Variants in TRDN observed in about 807,000 individuals in gnomAD.
The protein encoded by TRDN is triadin in skeletal muscle.
Under a neutral mutation model 149.7 loss-of-function variants are expected in TRDN, and 161 were observed. The observed-to-expected ratio is 1.08, with a 90% confidence interval of 0.95 to 1.23. The LOEUF (loss-of-function observed/expected upper bound fraction) is 1.23. Among genes scored for constraint, TRDN ranks in the 50% most tolerant of loss-of-function variants. TRDN has a pLI of 0.00. For missense variants in TRDN, 896 were observed against 823.5 expected (o/e 1.09, Z -1.08); for synonymous variants, 294 against 250.5 (o/e 1.17, Z -1.64).
intron 35 of TRDN, among the ~76,000 whole-genome samples, chr6:123,256,697 C>T (rs1306796590): frequency 6.6e-6 from 1 of 151,062 alleles, no homozygotes; most frequent in Non-Finnish European, 1.5e-5. Context: ...TGTTTAAGTT[C>T]CTATTAGATT....
At chr6:123,436,116 T>G (rs575325975) in intron 12 of TRDN, among the ~76,000 whole-genome samples, 1 of 152,234 alleles carries the variant, frequency 6.6e-6, no homozygotes, top group Non-Finnish European at 1.5e-5. Flanking sequence ...CAACTCAAAA[T>G]TTTCTTCTGC....
At chr6:123,298,570 G>A (rs1778291057) in intron 24 of TRDN, among the ~76,000 whole-genome samples, 1 of 151,992 alleles carries the variant, frequency 6.6e-6, no homozygotes. Flanking sequence ...AATTCACTAG[G>A]CAAGGGACTG....
chr6:123,304,452 C>T (rs1016467640), intron 24 of TRDN, among the ~76,000 whole-genome samples: 5 of 151,754 alleles, frequency 3.3e-5, no homozygotes, highest in Admixed American at 3.3e-4. Flanking sequence ...TGCAGTTTCA[C>T]CATGTTGGCC....
intron 1 of TRDN, among the ~76,000 whole-genome samples, chr6:123,571,508 TTG>T (rs1040793785): frequency 1.3e-5 from 2 of 152,228 alleles, no homozygotes; most frequent in Admixed American, 6.5e-5. Flanking sequence ...GTTTGTTTGT[TTG>T]TTTGTTTGTT....
intron 2 of TRDN, among the ~76,000 whole-genome samples, 172 bp downstream of exon 2, chr6:123,570,751 A>G (rs1782530521): frequency 6.6e-6 from 1 of 152,190 alleles, no homozygotes; most frequent in Admixed American, 6.5e-5. Flanking sequence ...AAGAAAGAGA[A>G]TAGGAGGAAA....
intron 2 of TRDN, among the ~76,000 whole-genome samples, chr6:123,568,278 C>T (rs1016776403): frequency 2.6e-5 from 4 of 152,222 alleles, no homozygotes; most frequent in Admixed American, 6.5e-5. Context: ...CTGGAGGCTG[C>T]TCTCACACAT....
chr6:123,478,639 G>T (rs968813698), intron 9 of TRDN, among the ~76,000 whole-genome samples: 5 of 151,990 alleles, frequency 3.3e-5, no homozygotes, highest in Non-Finnish European at 7.4e-5. Flanking sequence ...CAAAGTGGAT[G>T]GATTAAATTC....
chr6:123,260,409 T>G (rs771987367), intron 34 of TRDN, among the ~76,000 whole-genome samples: 12 of 152,002 alleles, frequency 7.9e-5, no homozygotes, highest in Non-Finnish European at 1.5e-4. Flanking sequence ...ACTTATAAGT[T>G]TGTATGCGGT....
chr6:123,493,159 G>A (rs1778296035), intron 9 of TRDN, among the ~76,000 whole-genome samples: 1 of 152,114 alleles, frequency 6.6e-6, no homozygotes, highest in African/African-American at 2.4e-5. Flanking sequence ...CATAGGACCA[G>A]TGTTGATAGC....
intron 13 of TRDN, among the ~76,000 whole-genome samples, chr6:123,392,069 A>G (rs1437325266): frequency 6.6e-6 from 1 of 151,874 alleles, no homozygotes; most frequent in Non-Finnish European, 1.5e-5. Context: ...AGAATACCTC[A>G]CTCTTGCCTT....
chr6:123,503,570 G>A, intron 8 of TRDN, 149 bp downstream of exon 8: 1 of 1,449,664 alleles, frequency 6.9e-7, no homozygotes, highest in Non-Finnish European at 9.0e-7. Context: ...CCAATTTACT[G>A]TATTTCTTTT....
At chr6:123,620,347 C>T (rs935700217) in intron 1 of TRDN, among the ~76,000 whole-genome samples, 1 of 152,104 alleles carries the variant, frequency 6.6e-6, no homozygotes, top group Non-Finnish European at 1.5e-5. Context: ...CAATAAGTGC[C>T]CAGGTGATGT....
At chr6:123,626,729 G>T (rs1212251250) in intron 1 of TRDN, among the ~76,000 whole-genome samples, 1 of 151,258 alleles carries the variant, frequency 6.6e-6, no homozygotes, top group African/African-American at 2.4e-5. Flanking sequence ...ATGTACCCTA[G>T]AACTTAAAGT....
At chr6:123,452,014 T>C (rs1015330087) in intron 10 of TRDN, among the ~76,000 whole-genome samples, 1 of 152,052 alleles carries the variant, frequency 6.6e-6, no homozygotes, top group African/African-American at 2.4e-5. Flanking sequence ...TCATCTCAAT[T>C]GATGCAGAAA....
intron 12 of TRDN, among the ~76,000 whole-genome samples, chr6:123,425,659 T>C (rs1333460607): frequency 6.6e-6 from 1 of 152,026 alleles, no homozygotes; most frequent in Non-Finnish European, 1.5e-5. Context: ...TGTGAAATGC[T>C]CTTGAGAAGG....
At chr6:123,253,538 T>C (rs1445870125) in intron 37 of TRDN, among the ~76,000 whole-genome samples, 4 of 152,162 alleles carry the variant, frequency 2.6e-5, no homozygotes, top group African/African-American at 4.8e-5. Flanking sequence ...AAGACTAACA[T>C]GTTATTATTT....
At chr6:123,571,158 T>G in intron 1 of TRDN, 26 bp from the exon 2 acceptor site, 1 of 1,609,512 alleles carries the variant, frequency 6.2e-7, no homozygotes, top group Admixed American at 1.7e-5. Flanking sequence ...GAAAGGAAAA[T>G]ATAATTTAGA....
chr6:123,357,203 G>A (rs2114320887), intron 20 of TRDN, among the ~76,000 whole-genome samples: 1 of 151,946 alleles, frequency 6.6e-6, no homozygotes, highest in African/African-American at 2.4e-5. Context: ...ATTTACCATA[G>A]CATCTAGAAT....
At chr6:123,528,768 C>T (rs967371085) in intron 5 of TRDN, 1 of 990,602 alleles carries the variant, frequency 1.0e-6, no homozygotes, top group Admixed American at 5.7e-5. Context: ...GGAAACTAAG[C>T]AATAAAGTGA....
Sources: gnomAD v4.1 joint callset for allele counts (sites outside exome capture counted in the v4.1 genomes callset) on GRCh38, gnomAD v4.1.1 for gene constraint, MANE v1.5 for transcripts, NCBI Gene and HGNC (gene_info 2026-07-23, HGNC 2026-07-21) for gene names.